Variants in NIPBL observed in about 807,000 individuals in gnomAD.
The protein encoded by NIPBL is NIPBL cohesin loading factor, also known as nipped-B-like protein.
Under a neutral mutation model 321.8 loss-of-function variants are expected in NIPBL, and 19 were observed. The observed-to-expected ratio is 0.06, with a 90% confidence interval of 0.04 to 0.09. NIPBL has a LOEUF of 0.09. Ranked by LOEUF, NIPBL falls within the 10% of genes least tolerant of loss-of-function variation. The pLI, the probability that NIPBL is intolerant of heterozygous loss-of-function variation, is 1.00. For synonymous variants in NIPBL, 1,106 were observed against 1,114.1 expected (o/e 0.99, Z 0.14); for missense variants, 2,210 against 3,327.0 (o/e 0.66, Z 8.26).
At chr5:37,030,606 T>A (rs1362597874) in intron 32 of NIPBL, among the ~76,000 whole-genome samples, 1 of 152,180 alleles carries the variant, frequency 6.6e-6, no homozygotes, top group Non-Finnish European at 1.5e-5. Context: ...ATTGGGTTTT[T>A]GGGGTTTGTT....
intron 1 of NIPBL, among the ~76,000 whole-genome samples, chr5:36,896,819 C>G (rs1011942214): frequency 6.6e-6 from 1 of 151,906 alleles, no homozygotes; most frequent in Non-Finnish European, 1.5e-5. Context: ...AGGCTTGTCT[C>G]GAACTCCTGG....
At chr5:37,060,032 A>G (rs1754500771) in intron 44 of NIPBL, among the ~76,000 whole-genome samples, 2 of 152,312 alleles carry the variant, frequency 1.3e-5, no homozygotes, top group Admixed American at 1.3e-4. Context: ...TCAATGGCCA[A>G]CTGGAAAGAG....
At chr5:37,045,669 G>A (rs921902875) in intron 37 of NIPBL, 72 bp downstream of exon 37, 1 of 1,477,924 alleles carries the variant, frequency 6.8e-7, no homozygotes, top group South Asian at 1.1e-5. Context: ...AATGACAGTA[G>A]TGACCCAGGA....
rs754066837 is a variant in NIPBL, at chr5:36,984,784, C to T, written c.1604C>T (p.Ser535Leu). 3 of 1,613,756 alleles carry T rather than the reference C, an allele frequency of 1.9e-6. No individual in the cohort carries two copies. The highest frequency in any genetic ancestry group is 2.5e-6 in the Non-Finnish European group (3 of 1,179,810). Residue 535 changes from serine to leucine, a missense_variant, in exon 10 of 47, where the codon TCA becomes TTA. Ser to Leu is a moderately radical substitution (Grantham distance 145). Transcript: ENST00000282516. ...GAGACGGGTTCTACGGGAAATGGGT[C>T]AAGGCCAGCATTAATGGTTAGCATT... ...SQETGSTGNG[S>L]RPALMVSIDL...
chr5:37,012,651 T>G (rs1748306691), intron 21 of NIPBL, among the ~76,000 whole-genome samples: 1 of 152,062 alleles, frequency 6.6e-6, no homozygotes. Flanking sequence ...TACTTGAGAT[T>G]AGGGAGTGGT....
In NIPBL at chr5:37,023,462, C is replaced by T. The variant is rs188547266; in HGVS notation, c.5574+1072C>T. ...ACAGTGAACACCCTTGTACCTACCT[C>T]CATACTTCATCTGTACTTTCTGCTA... is the stretch of plus-strand genomic sequence containing the variant. On this transcript the variant is annotated intron_variant, in intron 29 of 46. Transcript: ENST00000282516. 7.0e-4 allele frequency among the ~76,000 whole-genome samples: 107 copies of T among 152,246 alleles called. 1 individual carries two copies. Among genetic ancestry groups the T allele is most frequent in the African/African-American group, 2.4e-3 (101 of 41,542 alleles).
chr5:37,055,039 G>T (rs1354720680), intron 42 of NIPBL, among the ~76,000 whole-genome samples: 1 of 152,134 alleles, frequency 6.6e-6, no homozygotes, highest in Non-Finnish European at 1.5e-5. Context: ...TATGATAACA[G>T]TAGGGGAGAA....
At chr5:37,010,322 TTTC>T in intron 21 of NIPBL, 97 bp downstream of exon 21, 1 of 1,097,376 alleles carries the variant, frequency 9.1e-7, no homozygotes. Flanking sequence ...TTTTTTTTTC[TTTC>T]TTTTTTTTGA....
At chr5:36,947,212 T>C (rs949557842) in intron 1 of NIPBL, among the ~76,000 whole-genome samples, 1 of 152,194 alleles carries the variant, frequency 6.6e-6, no homozygotes, top group South Asian at 2.1e-4. Context: ...CCTCAATAAG[T>C]GGCTTCCATA....
chr5:37,005,213 C>T (rs1747285353), intron 16 of NIPBL, among the ~76,000 whole-genome samples: 1 of 152,136 alleles, frequency 6.6e-6, no homozygotes, highest in Non-Finnish European at 1.5e-5. Flanking sequence ...GAAAAATAAT[C>T]TCAGGTGGTT....
chr5:36,900,296 T>C (rs1230629529), intron 1 of NIPBL, among the ~76,000 whole-genome samples: 1 of 152,222 alleles, frequency 6.6e-6, no homozygotes, highest in African/African-American at 2.4e-5. Context: ...ATTCTATTAA[T>C]GATGTAAAGT....
At chr5:36,982,436 C>T (rs1561111150) in intron 9 of NIPBL, among the ~76,000 whole-genome samples, 1 of 151,656 alleles carries the variant, frequency 6.6e-6, no homozygotes, top group Non-Finnish European at 1.5e-5. Flanking sequence ...ACCTAAGAAT[C>T]CTTGTCACAG....
intron 42 of NIPBL, among the ~76,000 whole-genome samples, chr5:37,056,669 A>G (rs1042055529): frequency 5.3e-5 from 8 of 152,114 alleles, no homozygotes; most frequent in Admixed American, 2.0e-4. Flanking sequence ...TACTATAATT[A>G]CTAGTTATTT....
intron 1 of NIPBL, among the ~76,000 whole-genome samples, chr5:36,933,023 AT>A (rs1310308342): frequency 1.3e-5 from 2 of 151,868 alleles, no homozygotes; most frequent in Admixed American, 6.6e-5. Context: ...TTTTAGAGTT[AT>A]TTCCTTGGAG....
intron 3 of NIPBL, among the ~76,000 whole-genome samples, chr5:36,956,902 G>T (rs1315009126): frequency 6.6e-6 from 1 of 151,940 alleles, no homozygotes; most frequent in East Asian, 1.9e-4. Flanking sequence ...TAGGATTATA[G>T]GTGTGAGCCA....
At chr5:36,919,418 T>C (rs1748743955) in intron 1 of NIPBL, among the ~76,000 whole-genome samples, 1 of 152,026 alleles carries the variant, frequency 6.6e-6, no homozygotes, top group Non-Finnish European at 1.5e-5. Context: ...AGGCTGGCCT[T>C]GAACACCTGG....
At chr5:36,962,089 C>T (rs780261645) in intron 5 of NIPBL, 34 bp from the exon 6 acceptor site, 5 of 1,612,578 alleles carry the variant, frequency 3.1e-6, no homozygotes, top group Non-Finnish European at 4.2e-6. Context: ...TATTTTATTT[C>T]CTTATATTTT....
At chr5:36,891,066 C>T (rs2149524042) in intron 1 of NIPBL, among the ~76,000 whole-genome samples, 1 of 152,196 alleles carries the variant, frequency 6.6e-6, no homozygotes, top group African/African-American at 2.4e-5. Flanking sequence ...GAGATGGAGA[C>T]CATCCTAGCT....
At chr5:37,037,425 A>G (rs923985569) in intron 33 of NIPBL, among the ~76,000 whole-genome samples, 2 of 147,660 alleles carry the variant, frequency 1.4e-5, no homozygotes, top group Non-Finnish European at 3.0e-5. Context: ...ATATATATAT[A>G]TGTATATATA....
Sources: allele counts gnomAD v4.1 joint callset (sites outside exome capture counted in the v4.1 genomes callset), GRCh38; gene constraint gnomAD v4.1.1; transcripts MANE v1.5; gene names NCBI Gene and HGNC (gene_info 2026-07-23, HGNC 2026-07-21).